Variants in NECAB2 observed in about 807,000 individuals in gnomAD.
NECAB2 encodes the protein N-terminal EF-hand calcium binding protein 2, also known as N-terminal EF-hand calcium-binding protein 2.
NECAB2 carries 68 observed loss-of-function variants against 51.9 expected under a neutral mutation model. The ratio of observed to expected loss-of-function variants is 1.31; its 90% CI spans 1.08 to 1.60. The LOEUF (loss-of-function observed/expected upper bound fraction) is 1.60, where lower values mean the gene tolerates loss of function less well. NECAB2 is among the 40% of genes most tolerant of loss of function. NECAB2 has a pLI of 0.00. For synonymous variants in NECAB2, 329 were observed against 203.5 expected (o/e 1.62, Z -5.25); for missense variants, 854 against 490.3 (o/e 1.74, Z -7.00).
At position 84,002,457 on chromosome 16, in the gene NECAB2, C is replaced by CTCCACAAGAAGGTG; in HGVS notation, c.*113_*126dup. 7.2e-7 allele frequency: 1 copy of CTCCACAAGAAGGTG among 1,395,498 alleles called. No individual in the cohort carries two copies. Among genetic ancestry groups the CTCCACAAGAAGGTG allele is most frequent in the Non-Finnish European group, 1.0e-6 (1 of 990,750 alleles). The allele number at this position is 1,395,498 out of a possible 1,614,324, so 86.4% of individuals were successfully genotyped here. A position where few individuals can be genotyped will look rare whatever the true frequency, so the allele number is the denominator to read the frequency against. On this transcript the variant is annotated 3_prime_UTR_variant, in exon 13 of 13. Coordinates refer to ENST00000305202, the MANE Select transcript of NECAB2 (RefSeq NM_019065.3). ...TGCAGAAGCTTCTTTTCAATCCATCCTCCACAAGAAGGTGTTTCCCTGTTG... is the reference window on the plus strand; with the variant it reads ...TGCAGAAGCTTCTTTTCAATCCATCCTCCACAAGAAGGTGTCCACAAGAAGGTGTTTCCCTGTTG...
chr16:83,993,012 C>T (rs1318197698), intron 6 of NECAB2, among the ~76,000 whole-genome samples: 1 of 152,216 alleles, frequency 6.6e-6, no homozygotes, highest in Non-Finnish European at 1.5e-5. Flanking sequence ...GTTACACCCA[C>T]CTGCCCCCAT....
chr16:84,000,899 GAGTCC>G, intron 11 of NECAB2, 98 bp downstream of exon 11: 1 of 1,218,742 alleles, frequency 8.2e-7, no homozygotes, highest in Non-Finnish European at 1.2e-6. Context: ...GGGTAAGGCC[GAGTCC>G]AGTCAGCAGA....
chr16:83,970,387 G>C (rs1354513591), intron 1 of NECAB2, among the ~76,000 whole-genome samples: 1 of 152,204 alleles, frequency 6.6e-6, no homozygotes, highest in East Asian at 1.9e-4. Flanking sequence ...GCCTTGCCCA[G>C]TCAGGAACGG....
In NECAB2 at chr16:84,001,955, C is replaced by G. The variant is rs776970925; in HGVS notation, c.1132+39C>G. On this transcript the variant is annotated intron_variant, in intron 12 of 12. Coordinates refer to ENST00000305202, the MANE Select transcript of NECAB2 (RefSeq NM_019065.3). ...GCCTGGAACTGCAGTGGCCACCTGA[C>G]TGGAGAGAAGGGCAAGAGCCTAGAG... is the stretch of plus-strand genomic sequence containing the variant. The G allele has an allele frequency of 5.6e-6, 9 of 1,598,028 alleles. No individual in the cohort carries two copies. The Admixed American group carries it at 1.0e-4, about 18-fold the overall frequency.
chr16:83,998,635 G>C (rs758003048), intron 10 of NECAB2, among the ~76,000 whole-genome samples: 2 of 152,224 alleles, frequency 1.3e-5, no homozygotes, highest in Non-Finnish European at 2.9e-5. Context: ...GGCTCCAGCT[G>C]GGCCTGGTGT....
chr16:83,978,892 A>G (rs2084450160), intron 3 of NECAB2, among the ~76,000 whole-genome samples: 1 of 151,984 alleles, frequency 6.6e-6, no homozygotes, highest in African/African-American at 2.4e-5. Context: ...TCTCACCCCA[A>G]CCCCAATGCC....
rs1250717822 is a variant in NECAB2, at chr16:83,999,978, G to C, written c.963-746G>C. On this transcript the variant is annotated intron_variant, in intron 10 of 12. Transcript: ENST00000305202. ...CTCAGCTCACTGCAACCTCTCACCA[G>C]AGGGTTTAAATGAGTCTCATGCCTC... is the stretch of plus-strand genomic sequence containing the variant. Among the ~76,000 whole-genome samples, 7 of 152,208 alleles carry C rather than the reference G, an allele frequency of 4.6e-5. No individual in the cohort carries two copies. In the East Asian group the frequency reaches 1.3e-3, roughly 29 times the overall value.
At chr16:83,998,108 ATTTTGACCGAGG>A (rs2084745008) in intron 9 of NECAB2, 85 bp from the exon 10 acceptor site, 7 of 1,074,264 alleles carry the variant, frequency 6.5e-6, no homozygotes, top group Non-Finnish European at 9.5e-6. Flanking sequence ...GGGTTATTTT[ATTTTGACCGAGG>A]AAGGGAGGTC....
At chr16:83,975,816 A>C (rs776950297) in intron 2 of NECAB2, among the ~76,000 whole-genome samples, 1 of 152,152 alleles carries the variant, frequency 6.6e-6, no homozygotes, top group Non-Finnish European at 1.5e-5. Flanking sequence ...TAGCAAAGAC[A>C]CCTGCAAACG....
intron 8 of NECAB2, among the ~76,000 whole-genome samples, chr16:83,995,921 A>T (rs1567676635): frequency 6.6e-6 from 1 of 151,926 alleles, no homozygotes. Flanking sequence ...CGGGAGGGAG[A>T]CTCTGAAGCT....
At chr16:83,984,452 G>A (rs951407249) in intron 5 of NECAB2, among the ~76,000 whole-genome samples, 11 of 151,998 alleles carry the variant, frequency 7.2e-5, no homozygotes, top group African/African-American at 2.7e-4. Flanking sequence ...GCCGCTCACG[G>A]TGGCTCACGC....
rs553552312 is a variant in NECAB2 at position 84,001,265 on chromosome 16, G to A, written c.1040+464G>A. Among the ~76,000 whole-genome samples the A allele has an allele frequency of 1.4e-3, 136 of 99,978 alleles. No homozygotes were observed. The African/African-American group carries it at 0.019, about 14-fold the overall frequency. The allele number at this position is 99,978 out of a possible 152,430, so 65.6% of individuals were successfully genotyped here. On this transcript the variant is annotated intron_variant, in intron 11 of 12. Coordinates refer to ENST00000305202, the MANE Select transcript of NECAB2 (RefSeq NM_019065.3). ...GATGGGCCTTAGGCCTTTGTCCTCT[G>A]CTCAGCACACATCTGGGAGAGGGTG... is the stretch of plus-strand genomic sequence containing the variant.
chr16:83,976,631 G>C (rs1355499204), intron 2 of NECAB2, among the ~76,000 whole-genome samples: 2 of 152,180 alleles, frequency 1.3e-5, no homozygotes, highest in African/African-American at 2.4e-5. Flanking sequence ...TGGTTGGATT[G>C]GGGTTTTTTT....
chr16:83,990,163 G>A (rs1175171948), intron 5 of NECAB2, among the ~76,000 whole-genome samples: 1 of 152,194 alleles, frequency 6.6e-6, no homozygotes, highest in East Asian at 1.9e-4. Context: ...TGTGTGGCAG[G>A]CCCTGTGCAG....
chr16:83,979,925 A>G (rs1265987883), intron 3 of NECAB2, among the ~76,000 whole-genome samples: 1 of 152,208 alleles, frequency 6.6e-6, no homozygotes, highest in Admixed American at 6.5e-5. Flanking sequence ...GTTTTGTGAA[A>G]CATGAATTAA....
Position 83,998,194 on chromosome 16 carries a change from G to A in NECAB2, c.850-11G>A. Reference sequence around the variant, plus strand: ...GTGGAGCCCCACACTGACTCCTGCTGTGCCCGGCAGCACCTGCAGCTGGTC... The same window carrying A: ...GTGGAGCCCCACACTGACTCCTGCTATGCCCGGCAGCACCTGCAGCTGGTC... On this transcript the variant is annotated splice_polypyrimidine_tract_variant and intron_variant, in intron 9 of 12. Coordinates refer to ENST00000305202, the MANE Select transcript of NECAB2 (RefSeq NM_019065.3). 2.5e-6 allele frequency: 4 copies of A among 1,606,256 alleles called. No homozygotes were observed. The highest frequency in any genetic ancestry group is 1.7e-4 in the Middle Eastern group (1 of 6,060).
In NECAB2 at chr16:83,998,201, G is replaced by A. The variant is rs375940427; in HGVS notation, c.850-4G>A. 3 of 1,607,434 alleles carry A rather than the reference G, an allele frequency of 1.9e-6. No homozygotes were observed. The highest frequency in any genetic ancestry group is 2.5e-6 in the Non-Finnish European group (3 of 1,179,770). ...CCCACACTGACTCCTGCTGTGCCCG[G>A]CAGCACCTGCAGCTGGTCCGGCAGG... On this transcript the variant is annotated splice_region_variant and splice_polypyrimidine_tract_variant and intron_variant, in intron 9 of 12. Transcript: ENST00000305202.
At chr16:83,980,154 C>T (rs957381966) in intron 3 of NECAB2, among the ~76,000 whole-genome samples, 7 of 152,242 alleles carry the variant, frequency 4.6e-5, no homozygotes, top group African/African-American at 1.4e-4. Flanking sequence ...GGGTCCCTTG[C>T]ACATTGACTT....
intron 2 of NECAB2, among the ~76,000 whole-genome samples, chr16:83,972,524 CT>C (rs2084360794): frequency 6.6e-6 from 1 of 152,234 alleles, no homozygotes; most frequent in African/African-American, 2.4e-5. Context: ...CCCAGAAACC[CT>C]CCTTGAAAGG....
Sources: gnomAD v4.1 joint callset for allele counts (sites outside exome capture counted in the v4.1 genomes callset) on GRCh38, gnomAD v4.1.1 for gene constraint, MANE v1.5 for transcripts, NCBI Gene and HGNC (gene_info 2026-07-23, HGNC 2026-07-21) for gene names.